Variants in AFAP1 observed in about 807,000 individuals in gnomAD.
AFAP1 encodes actin filament-associated protein 1.
A neutral mutation model predicts 93.9 loss-of-function variants in AFAP1; 75 were observed. The observed-to-expected ratio is 0.80, with a 90% CI of 0.66 to 0.97. The LOEUF is 0.97. Ranked by LOEUF, AFAP1 falls within the 50% of genes least tolerant of loss-of-function variation. AFAP1 has a pLI of 0.00. For missense variants in AFAP1, 1,201 were observed against 1,050.8 expected (o/e 1.14, Z -1.98); for synonymous variants, 517 against 430.7 (o/e 1.20, Z -2.48).
intron 9 of AFAP1, among the ~76,000 whole-genome samples, chr4:7,805,405 G>C (rs775406535): frequency 1.3e-5 from 2 of 152,120 alleles, no homozygotes; most frequent in African/African-American, 2.4e-5. Flanking sequence ...CAGTCTCTCC[G>C]TTTCTCATGA....
chr4:7,931,367 G>A (rs560877335), intron 1 of AFAP1, among the ~76,000 whole-genome samples: 2 of 152,028 alleles, frequency 1.3e-5, no homozygotes, highest in African/African-American at 2.4e-5. Context: ...TGACCAACAA[G>A]AATAGTATAT....
chr4:7,830,827 T>G lies in AFAP1; in HGVS notation c.726+7697A>C, dbSNP rs563539975. Among the ~76,000 whole-genome samples, 520 of 152,262 alleles carry G rather than the reference T, an allele frequency of 3.4e-3. 2 individuals carry two copies. The highest frequency in any genetic ancestry group is 0.012 in the African/African-American group (507 of 41,548). The stretch of plus-strand genomic sequence containing the variant: ...TCTTGCTATTTTTCCCAGGCTGGTC[T>G]TGAACTCCTGGCCTCAAGTGATCCT... On this transcript the variant is annotated intron_variant, in intron 6 of 17. Coordinates refer to ENST00000420658, the MANE Select transcript of AFAP1 (RefSeq NM_001134647.2).
At chr4:7,776,866 T>C (rs1331130808) in intron 14 of AFAP1, 2 of 152,190 alleles carry the variant, frequency 1.3e-5, no homozygotes, top group Non-Finnish European at 2.9e-5. Context: ...ATGAACTCAA[T>C]GCAATCACCT....
Position 7,843,210 on chromosome 4 carries a change from A to G in AFAP1, c.475T>C (p.Phe159Leu), listed in dbSNP as rs145984216. Residue 159 changes from phenylalanine (F) to leucine (L), a missense_variant, in exon 5 of 18, where the codon TTC (phenylalanine) becomes CTC (leucine). Phe to Leu is a conservative substitution (Grantham distance 22). Transcript: ENST00000420658. ...DLVKDAKICA[F>L]LLRKKRFGQW... Reference sequence around the variant, plus strand: ...CCGAACCGCTTCTTCCGCAGCAGGAAGGCGCAGATTTTGGCGTCCTTGACC... The same window carrying G: ...CCGAACCGCTTCTTCCGCAGCAGGAGGGCGCAGATTTTGGCGTCCTTGACC... The G allele has an allele frequency of 4.3e-6, 7 of 1,614,224 alleles. No homozygotes were observed. The highest frequency in any genetic ancestry group is 5.9e-6 in the Non-Finnish European group (7 of 1,180,040).
chr4:7,914,801 T>C (rs958932971), intron 1 of AFAP1, among the ~76,000 whole-genome samples: 2 of 152,272 alleles, frequency 1.3e-5, no homozygotes, highest in African/African-American at 4.8e-5. Flanking sequence ...TGGAGTACAG[T>C]GGCGCGATCT....
At chr4:7,784,352 C>A (rs979969730) in intron 12 of AFAP1, among the ~76,000 whole-genome samples, 1 of 152,144 alleles carries the variant, frequency 6.6e-6, no homozygotes. Context: ...CCCTGCCCTG[C>A]CCAGGGCCCA....
intron 17 of AFAP1, among the ~76,000 whole-genome samples, chr4:7,766,399 C>A (rs1714582766): frequency 6.6e-6 from 1 of 152,200 alleles, no homozygotes; most frequent in Non-Finnish European, 1.5e-5. Context: ...CCCCATGTTA[C>A]CTCCGCGTGG....
At chr4:7,908,644 G>A (rs1404545991) in intron 1 of AFAP1, among the ~76,000 whole-genome samples, 1 of 152,124 alleles carries the variant, frequency 6.6e-6, no homozygotes, top group Non-Finnish European at 1.5e-5. Flanking sequence ...TAATTGCTGG[G>A]GACCTAGCAG....
chr4:7,888,580 G>A (rs1186337613), intron 1 of AFAP1, among the ~76,000 whole-genome samples: 1 of 152,258 alleles, frequency 6.6e-6, no homozygotes, highest in Non-Finnish European at 1.5e-5. Flanking sequence ...TATCTGAACA[G>A]CTCTATATTA....
At position 7,929,018 on chromosome 4, in the gene AFAP1, G is replaced by A. The variant is rs138517626; in HGVS notation, c.-3+10638C>T. ...AGATCACTCCGATCGCAGAGGCTTCGGAAATGCCTTCCACCGTGGTACCAA... is the reference window on the plus strand; with the variant it reads ...AGATCACTCCGATCGCAGAGGCTTCAGAAATGCCTTCCACCGTGGTACCAA... On this transcript the variant is annotated intron_variant, in intron 1 of 17. Transcript: ENST00000420658. Among the ~76,000 whole-genome samples, 184 of 152,302 alleles carry A rather than the reference G, an allele frequency of 1.2e-3. 4 individuals are homozygous for A. In the East Asian group the frequency reaches 0.023, roughly 19 times the overall value.
At chr4:7,916,526 A>G (rs1720091135) in intron 1 of AFAP1, among the ~76,000 whole-genome samples, 2 of 152,182 alleles carry the variant, frequency 1.3e-5, no homozygotes, top group African/African-American at 2.4e-5. Flanking sequence ...TTCCTGACCC[A>G]GCGAAACCAG....
At chr4:7,881,992 G>C (rs751802018) in intron 1 of AFAP1, among the ~76,000 whole-genome samples, 36 of 152,132 alleles carry the variant, frequency 2.4e-4, no homozygotes, top group Non-Finnish European at 4.3e-4. Flanking sequence ...CATTTCATCA[G>C]TGGTAACTAC....
intron 3 of AFAP1, among the ~76,000 whole-genome samples, chr4:7,868,189 T>G (rs1716641082): frequency 6.6e-6 from 1 of 152,114 alleles, no homozygotes; most frequent in African/African-American, 2.4e-5. Context: ...ATATGGATAG[T>G]TAACCCCAGA....
At chr4:7,774,965 G>C (rs990206570) in intron 14 of AFAP1, 62 bp from the exon 15 acceptor site, 4 of 1,565,744 alleles carry the variant, frequency 2.6e-6, no homozygotes, top group Non-Finnish European at 3.5e-6. Context: ...AATATGGGAC[G>C]ATCCCTTCTC....
chr4:7,872,363 G>C (rs1243953891), intron 1 of AFAP1: 1 of 305,564 alleles, frequency 3.3e-6, no homozygotes, highest in Non-Finnish European at 6.0e-6. Context: ...CCAAAGGCCT[G>C]ACGTCATCAT....
chr4:7,898,994 C>T (rs1287971541), intron 1 of AFAP1, among the ~76,000 whole-genome samples: 2 of 145,836 alleles, frequency 1.4e-5, no homozygotes, highest in East Asian at 2.0e-4. Context: ...ATTGTATATA[C>T]ACAAATGTAT....
chr4:7,799,316 A>G (rs1037160752), intron 10 of AFAP1, among the ~76,000 whole-genome samples: 3 of 149,328 alleles, frequency 2.0e-5, no homozygotes, highest in Non-Finnish European at 4.4e-5. Context: ...GTGTTCATCT[A>G]TTTTTCATCC....
chr4:7,925,601 C>T (rs1449365249), intron 1 of AFAP1, among the ~76,000 whole-genome samples: 1 of 152,122 alleles, frequency 6.6e-6, no homozygotes, highest in East Asian at 1.9e-4. Flanking sequence ...AATCCCAGCA[C>T]TTTGGGTGGC....
At chr4:7,856,081 A>G (rs1020755578) in intron 3 of AFAP1, among the ~76,000 whole-genome samples, 3 of 152,228 alleles carry the variant, frequency 2.0e-5, no homozygotes, top group African/African-American at 7.2e-5. Flanking sequence ...TTGGTGAGCC[A>G]CACTGGCTGA....
Sources: allele counts gnomAD v4.1 joint callset (sites outside exome capture counted in the v4.1 genomes callset), GRCh38; gene constraint gnomAD v4.1.1; transcripts MANE v1.5; gene names NCBI Gene and HGNC (gene_info 2026-07-23, HGNC 2026-07-21).